The following LYZL4 variants were observed in gnomAD, a reference collection of about 807,000 sequenced individuals.
The protein encoded by LYZL4 is lysozyme-like protein 4.
Under a neutral mutation model 17.6 loss-of-function variants are expected in LYZL4, and 13 were observed. The ratio of observed to expected loss-of-function variants is 0.74; its 90% CI spans 0.48 to 1.18. The LOEUF is 1.18. Ranked by LOEUF, LYZL4 falls within the 50% of genes most tolerant of loss-of-function variation. LYZL4 has a pLI of 0.00. For missense variants in LYZL4, 174 were observed against 188.2 expected, an observed-to-expected ratio of 0.92 and a Z score of 0.44; for synonymous variants, 64 against 67.7, an observed-to-expected ratio of 0.95 and a Z score of 0.27.
chr3:42,383,362 C>A, the LYZL4 span, among the ~76,000 whole-genome samples: 1 of 149,234 alleles, frequency 6.7e-6, no homozygotes, highest in Non-Finnish European at 1.5e-5. Flanking sequence ...GTGATGCCTG[C>A]AGGGAAACTG....
chr3:42,404,594 A>G (rs999206167), intron 3 of LYZL4, among the ~76,000 whole-genome samples: 1 of 152,240 alleles, frequency 6.6e-6, no homozygotes, highest in Non-Finnish European at 1.5e-5. Context: ...AATACACAGT[A>G]CCACCTCTAT....
the LYZL4 span, among the ~76,000 whole-genome samples, chr3:42,390,788 C>T: frequency 1.3e-5 from 2 of 152,264 alleles, no homozygotes; most frequent in South Asian, 2.1e-4. Flanking sequence ...GGGCAAATAA[C>T]CCTTGGCTGA....
At chr3:42,405,685 G>A (rs1369236730) in intron 3 of LYZL4, among the ~76,000 whole-genome samples, 1 of 152,094 alleles carries the variant, frequency 6.6e-6, no homozygotes, top group Non-Finnish European at 1.5e-5. Flanking sequence ...GACCGCCTCA[G>A]ATGTGAGGGA....
the LYZL4 span, among the ~76,000 whole-genome samples, chr3:42,374,557 G>C: frequency 6.6e-6 from 1 of 152,088 alleles, no homozygotes; most frequent in Non-Finnish European, 1.5e-5. Context: ...TTAATTTGAA[G>C]TTACACTTAC....
the LYZL4 span, among the ~76,000 whole-genome samples, chr3:42,371,697 C>G: frequency 6.6e-6 from 1 of 152,164 alleles, no homozygotes; most frequent in Non-Finnish European, 1.5e-5. Context: ...ACCACAATGG[C>G]CTATGCTTGC....
intron 4 of LYZL4, among the ~76,000 whole-genome samples, chr3:42,401,836 A>C (rs762603600): frequency 1.3e-5 from 2 of 152,188 alleles, no homozygotes; most frequent in Non-Finnish European, 2.9e-5. Context: ...GTAATGACAC[A>C]ATATTAAACT....
chr3:42,401,519 T>C (rs1698653357), intron 4 of LYZL4, among the ~76,000 whole-genome samples: 1 of 152,122 alleles, frequency 6.6e-6, no homozygotes, highest in African/African-American at 2.4e-5. Context: ...TCCCAGCACA[T>C]CATAATAAAA....
In LYZL4 at chr3:42,406,852, A is replaced by G. The variant is rs763987055; in HGVS notation, c.286T>C (p.Cys96Arg). 5 of 1,614,094 alleles carry G rather than the reference A, an allele frequency of 3.1e-6. No individual in the cohort carries two copies. The highest frequency in any genetic ancestry group is 4.2e-6 in the Non-Finnish European group (5 of 1,180,052). Reference sequence around the variant, plus strand: ...AATGGAAAGAGGGACTTACCGGAACATGACATATGGCAGCGGTTCCTGCCA... The same window carrying G: ...AATGGAAAGAGGGACTTACCGGAACGTGACATATGGCAGCGGTTCCTGCCA... ...DHGRNRCHMSCSALLNPNLEK... is the reference protein window; with the variant it reads ...DHGRNRCHMSRSALLNPNLEK... The change falls in exon 3 of 5, where the codon TGT (cysteine) becomes CGT (arginine). Residue 96 changes from cysteine to arginine, a missense_variant. Cys to Arg is a radical substitution (Grantham distance 180, BLOSUM62 -3). Transcript: ENST00000287748.
At chr3:42,387,461 G>A in the LYZL4 span, among the ~76,000 whole-genome samples, 1 of 152,180 alleles carries the variant, frequency 6.6e-6, no homozygotes, top group African/African-American at 2.4e-5. Context: ...TGACTTCTGT[G>A]AAGGCGAAAC....
the LYZL4 span, among the ~76,000 whole-genome samples, chr3:42,362,377 T>A: frequency 3.3e-3 from 502 of 152,278 alleles, 4 homozygotes; most frequent in African/African-American, 0.012. Flanking sequence ...TAATAACCAA[T>A]TCGGGCAATT....
At chr3:42,386,412 C>G in the LYZL4 span, among the ~76,000 whole-genome samples, 17 of 117,008 alleles carry the variant, frequency 1.5e-4, 1 homozygote, top group East Asian at 8.1e-4. Context: ...CCCCCCCCCC[C>G]GCCTCCCTCT....
intron 3 of LYZL4, among the ~76,000 whole-genome samples, chr3:42,405,472 T>C (rs1193944433): frequency 2.6e-5 from 4 of 152,164 alleles, no homozygotes; most frequent in Admixed American, 6.5e-5. Flanking sequence ...TACTCCTCTC[T>C]GGAGCTAAAG....
the LYZL4 span, among the ~76,000 whole-genome samples, chr3:42,390,822 A>G: frequency 1.3e-5 from 2 of 152,246 alleles, no homozygotes; most frequent in South Asian, 4.2e-4. Flanking sequence ...ATTAACTAAG[A>G]CTGATGTTCT....
At chr3:42,406,408 C>T (rs1179751250) in intron 3 of LYZL4, among the ~76,000 whole-genome samples, 65 of 145,578 alleles carry the variant, frequency 4.5e-4, no homozygotes, top group Middle Eastern at 7.1e-3. Flanking sequence ...GAGCCGAGAT[C>T]GCGCCACTGC....
At chr3:42,393,283 GGGACTT>G (rs1698511745), downstream of LYZL4, among the ~76,000 whole-genome samples, 2 of 152,216 alleles carry the variant, frequency 1.3e-5, no homozygotes, top group South Asian at 2.1e-4. Context: ...ACTCCAGTAA[GGGACTT>G]GGACAGGCTA....
the LYZL4 span, among the ~76,000 whole-genome samples, chr3:42,378,676 C>CGT: frequency 6.6e-6 from 1 of 152,118 alleles, no homozygotes; most frequent in East Asian, 1.9e-4. Context: ...GCTGGTTCCA[C>CGT]GTGTTAAGGT....
At chr3:42,379,776 C>G in the LYZL4 span, among the ~76,000 whole-genome samples, 4 of 152,144 alleles carry the variant, frequency 2.6e-5, no homozygotes, top group African/African-American at 9.7e-5. Flanking sequence ...ATCTTTGTGC[C>G]CTCCCAAAAC....
chr3:42,404,153 A>G (rs1233203029), intron 3 of LYZL4, 29 bp from the exon 4 acceptor site: 3 of 1,434,046 alleles, frequency 2.1e-6, no homozygotes. Flanking sequence ...GGAAGATACC[A>G]TGCTGCCATA....
the LYZL4 span, among the ~76,000 whole-genome samples, chr3:42,376,686 G>A: frequency 2.0e-5 from 3 of 152,144 alleles, no homozygotes; most frequent in Non-Finnish European, 2.9e-5. Context: ...AGCAGCACCT[G>A]GCCCTATGTG....
Sources: gnomAD v4.1 joint callset for allele counts (sites outside exome capture counted in the v4.1 genomes callset) on GRCh38, gnomAD v4.1.1 for gene constraint, MANE v1.5 for transcripts, NCBI Gene and HGNC (gene_info 2026-07-23, HGNC 2026-07-21) for gene names.